SSH2: variants seen among roughly 807,000 people sequenced by gnomAD.
SSH2 encodes protein phosphatase Slingshot homolog 2.
SSH2 carries 37 observed loss-of-function variants against 135.2 expected under a neutral mutation model. The observed-to-expected ratio is 0.27, with a 90% CI of 0.21 to 0.36. SSH2 has a LOEUF of 0.36. SSH2 is among the 10% of genes least tolerant of loss of function. The pLI is 1.00. For synonymous variants in SSH2, 628 were observed against 646.2 expected (o/e 0.97, Z 0.43); for missense variants, 1,408 against 1,765.3 (o/e 0.80, Z 3.63).
In SSH2 at chr17:29,632,651, C is replaced by T. The variant is rs2035734764; in HGVS notation, c.2543G>A (p.Gly848Glu). 6.2e-7 allele frequency: 1 copy of T among 1,614,142 alleles called. No homozygotes were observed. Among genetic ancestry groups the T allele is most frequent in the Non-Finnish European group, 8.5e-7 (1 of 1,180,032 alleles). The change falls in exon 16 of 16, where the codon GGG becomes GAG. Residue 848 changes from glycine (G) to glutamate (E), a missense_variant. This residue lies in a region of SSH2 where 1,080 missense variants were observed against 1,144.5 expected (regional missense o/e 0.94). Coordinates refer to ENST00000540801, the MANE Select transcript of SSH2 (RefSeq NM_001282129.2). Reference sequence around the variant, plus strand: ...TAGGCAGCCTTCTGGGTTGCACATCCCTGAGTCTTTGGCTAGTTCAGGCTG... The same window carrying T: ...TAGGCAGCCTTCTGGGTTGCACATCTCTGAGTCTTTGGCTAGTTCAGGCTG... ...TAQPELAKDSGMCNPEGCLTT... is the reference protein window; with the variant it reads ...TAQPELAKDSEMCNPEGCLTT...
At chr17:29,827,682 A>T (rs990580633) in intron 2 of SSH2, among the ~76,000 whole-genome samples, 1 of 152,150 alleles carries the variant, frequency 6.6e-6, no homozygotes, top group Non-Finnish European at 1.5e-5. Flanking sequence ...ATGCATTATG[A>T]CTTGGCATAT....
At chr17:29,678,127 T>C (rs1396328060) in intron 6 of SSH2, among the ~76,000 whole-genome samples, 1 of 148,906 alleles carries the variant, frequency 6.7e-6, no homozygotes, top group African/African-American at 2.5e-5. Context: ...GGAGTCTTAC[T>C]CTGTTGCCCA....
chr17:29,677,648 CAGA>C, intron 7 of SSH2, 22 bp downstream of exon 7: 1 of 1,606,692 alleles, frequency 6.2e-7, no homozygotes, highest in Non-Finnish European at 8.5e-7. Context: ...CTTTCTGTAA[CAGA>C]ATAAAAAAGG....
chr17:29,753,614 G>C, intron 3 of SSH2, among the ~76,000 whole-genome samples: 1 of 151,224 alleles, frequency 6.6e-6, no homozygotes, highest in Admixed American at 6.6e-5. Flanking sequence ...GACCAAACAT[G>C]GTGAAACCCC....
chr17:29,754,497 G>A (rs2041052482), intron 3 of SSH2, among the ~76,000 whole-genome samples: 1 of 152,058 alleles, frequency 6.6e-6, no homozygotes, highest in Non-Finnish European at 1.5e-5. Flanking sequence ...TGTGCTTCTA[G>A]GAAGTCAAGT....
At chr17:29,696,672 CGT>C (rs60502729) in intron 4 of SSH2, among the ~76,000 whole-genome samples, 295 of 137,282 alleles carry the variant, frequency 2.1e-3, no homozygotes, top group East Asian at 0.02. Flanking sequence ...TATATACGTA[CGT>C]GTGTGTGTGT....
chr17:29,747,336 CCT>C (rs1416078682), intron 3 of SSH2, among the ~76,000 whole-genome samples: 1 of 152,100 alleles, frequency 6.6e-6, no homozygotes, highest in Non-Finnish European at 1.5e-5. Context: ...GTGATTCAAA[CCT>C]CTGGATTTTG....
chr17:29,631,767 G>A lies in SSH2; in HGVS notation c.3427C>T (p.Pro1143Ser). 1 of 1,614,188 alleles carries A rather than the reference G, an allele frequency of 6.2e-7. No individual in the cohort carries two copies. The highest frequency in any genetic ancestry group is 8.5e-7 in the Non-Finnish European group (1 of 1,180,026). The change falls in exon 16 of 16, where the codon CCT (proline) becomes TCT (serine). Residue 1143 changes from proline to serine, a missense_variant. Around this residue, in one of 3 missense-constraint regions of SSH2, gnomAD observed 1,080 missense variants for 1,144.5 expected, o/e 0.94. Transcript: ENST00000540801. ...SLSTALETAA[P>S]FVSHTTHLLS... ...AAATGGGTTGTATGACTGACAAAAG[G>A]TGCTGCTGTCTCCAGGGCTGTGGAC...
rs755798667 is a variant in SSH2 at position 29,648,351 on chromosome 17, T to C, written c.1227-7A>G. On this transcript the variant is annotated splice_region_variant and splice_polypyrimidine_tract_variant and intron_variant, in intron 13 of 15. Transcript: ENST00000540801. ...GCATTTAGATCCATGTTTCCTTGTT[T>C]GGGGGATTGAGGTAAAGAATAGAGG... 6.9e-6 allele frequency: 11 copies of C among 1,596,786 alleles called. No individual in the cohort carries two copies. Among genetic ancestry groups the C allele is most frequent in the Non-Finnish European group, 9.4e-6 (11 of 1,170,254 alleles).
intron 1 of SSH2, among the ~76,000 whole-genome samples, chr17:29,910,069 C>G (rs896855414): frequency 6.6e-6 from 1 of 152,154 alleles, no homozygotes; most frequent in Non-Finnish European, 1.5e-5. Context: ...CTTCAGCCTC[C>G]CAAGTAGCTG....
intron 3 of SSH2, among the ~76,000 whole-genome samples, chr17:29,763,869 C>G (rs1329251395): frequency 6.6e-6 from 1 of 151,700 alleles, no homozygotes; most frequent in Non-Finnish European, 1.5e-5. Flanking sequence ...CAGGCTTTTT[C>G]AAAAGCTTCT....
chr17:29,894,415 T>C (rs2151448981), intron 1 of SSH2, among the ~76,000 whole-genome samples: 1 of 152,166 alleles, frequency 6.6e-6, no homozygotes, highest in Admixed American at 6.6e-5. Flanking sequence ...AATCCACAGA[T>C]GCCCAAGTCC....
intron 3 of SSH2, among the ~76,000 whole-genome samples, chr17:29,786,382 T>C (rs1466789823): frequency 6.6e-6 from 1 of 152,194 alleles, no homozygotes; most frequent in African/African-American, 2.4e-5. Context: ...GGATTCAAAC[T>C]GCAAGGCAGG....
At chr17:29,856,868 A>T (rs950077593) in intron 1 of SSH2, among the ~76,000 whole-genome samples, 1 of 152,192 alleles carries the variant, frequency 6.6e-6, no homozygotes, top group Non-Finnish European at 1.5e-5. Flanking sequence ...TTTTAAACTT[A>T]GTATCTTTGT....
At chr17:29,680,129 G>A (rs1447924032) in intron 6 of SSH2, among the ~76,000 whole-genome samples, 1 of 152,098 alleles carries the variant, frequency 6.6e-6, no homozygotes, top group African/African-American at 2.4e-5. Context: ...AAAGTGATTG[G>A]GGGAAGGGGA....
At chr17:29,656,411 C>G (rs774289257) in intron 11 of SSH2, among the ~76,000 whole-genome samples, 7 of 151,942 alleles carry the variant, frequency 4.6e-5, no homozygotes, top group Non-Finnish European at 1.0e-4. Flanking sequence ...CTCCTGACCT[C>G]GTGATCCACC....
chr17:29,740,028 C>G (rs1013639378), intron 3 of SSH2, among the ~76,000 whole-genome samples: 7 of 152,186 alleles, frequency 4.6e-5, no homozygotes, highest in African/African-American at 1.7e-4. Flanking sequence ...TTTGATGCCT[C>G]CATGTCAAAA....
At chr17:29,802,307 G>C (rs1292882230) in intron 2 of SSH2, among the ~76,000 whole-genome samples, 2 of 152,142 alleles carry the variant, frequency 1.3e-5, no homozygotes, top group African/African-American at 4.8e-5. Context: ...GTATTGTAGT[G>C]GGGGAGACAG....
chr17:29,710,085 G>A (rs75391286), intron 3 of SSH2, among the ~76,000 whole-genome samples: 9,306 of 152,256 alleles, frequency 0.061, 547 homozygotes, highest in African/African-American at 0.16. Context: ...AATCTTTGAG[G>A]AATGTGGCCA....
Sources: gnomAD v4.1 joint callset for allele counts (sites outside exome capture counted in the v4.1 genomes callset) on GRCh38, gnomAD v4.1.1 for gene constraint, gnomAD v4.1.1 regional missense constraint, MANE v1.5 for transcripts, NCBI Gene and HGNC (gene_info 2026-07-23, HGNC 2026-07-21) for gene names.